The following SHQ1 variants were observed in gnomAD, a reference collection of about 807,000 sequenced individuals.
SHQ1 encodes the protein SHQ1, H/ACA ribonucleoprotein assembly factor, also known as protein SHQ1 homolog.
In SHQ1, 49 loss-of-function variants were observed where a neutral mutation model predicts 53.8. The observed-to-expected ratio is 0.91, with a 90% confidence interval of 0.72 to 1.16. SHQ1 has a LOEUF of 1.16. Ranked by LOEUF, SHQ1 falls within the 50% of genes most tolerant of loss-of-function variation. SHQ1 has a pLI of 0.00. For synonymous variants in SHQ1, 243 were observed against 251.0 expected, an observed-to-expected ratio of 0.97 and a Z score of 0.30; for missense variants, 738 against 683.1, an observed-to-expected ratio of 1.08 and a Z score of -0.90.
intron 10 of SHQ1, among the ~76,000 whole-genome samples, chr3:72,771,397 A>C (rs1316794345): frequency 2.6e-5 from 4 of 152,258 alleles, no homozygotes; most frequent in Admixed American, 6.5e-5. Flanking sequence ...GGTGAAACTA[A>C]ACAGGGACAA....
chr3:72,804,703 C>A (rs1003622885), intron 9 of SHQ1, among the ~76,000 whole-genome samples: 2 of 152,130 alleles, frequency 1.3e-5, no homozygotes, highest in African/African-American at 4.8e-5. Context: ...CTTAAAGAAA[C>A]TTTAAGTTGG....
chr3:72,829,288 C>T (rs1044181725), intron 5 of SHQ1, among the ~76,000 whole-genome samples: 3 of 152,148 alleles, frequency 2.0e-5, no homozygotes, highest in African/African-American at 7.2e-5. Context: ...CTTCAATATG[C>T]TTCTTCTTCA....
At position 72,826,509 on chromosome 3, in the gene SHQ1, C is replaced by T. The variant is rs528541558; in HGVS notation, c.600-1958G>A. 1.3e-3 allele frequency among the ~76,000 whole-genome samples: 204 copies of T among 152,356 alleles called. 1 individual carries two copies. Among genetic ancestry groups the T allele is most frequent in the Non-Finnish European group, 2.4e-3 (161 of 68,032 alleles). ...CATGTTCCATGATCCATGTTAGGCA[C>T]TGGAGTTCCATTCATGACAAGACAC... On this transcript the variant is annotated intron_variant, in intron 5 of 10. Coordinates refer to ENST00000325599, the MANE Select transcript of SHQ1 (RefSeq NM_018130.3).
At chr3:72,826,944 A>C (rs558600382) in intron 5 of SHQ1, among the ~76,000 whole-genome samples, 4 of 152,300 alleles carry the variant, frequency 2.6e-5, no homozygotes, top group Non-Finnish European at 4.4e-5. Flanking sequence ...TAGAAACATC[A>C]CTCTTATTGC....
At chr3:72,747,729 T>C (rs781056882), downstream of SHQ1, among the ~76,000 whole-genome samples, 4 of 152,188 alleles carry the variant, frequency 2.6e-5, no homozygotes, top group African/African-American at 4.8e-5. Flanking sequence ...GGCTCATGCC[T>C]GTAATCCCAG....
At chr3:72,763,510 T>C (rs1038180948) in intron 10 of SHQ1, among the ~76,000 whole-genome samples, 4 of 152,312 alleles carry the variant, frequency 2.6e-5, no homozygotes, top group East Asian at 3.9e-4. Flanking sequence ...CTGACAAAGA[T>C]GTGTTGATGT....
chr3:72,813,113 C>A (rs930985846), intron 8 of SHQ1, among the ~76,000 whole-genome samples: 1 of 152,138 alleles, frequency 6.6e-6, no homozygotes, highest in African/African-American at 2.4e-5. Flanking sequence ...ACATAAAGGA[C>A]ATTTTAATAT....
chr3:72,751,535 T>TATATATACAC (rs1444853961), intron 10 of SHQ1, among the ~76,000 whole-genome samples: 82 of 139,948 alleles, frequency 5.9e-4, no homozygotes, highest in Non-Finnish European at 8.4e-4. Context: ...TATATACATA[T>TATATATACAC]ACATACACTA....
At chr3:72,843,874 A>T (rs781002001) in intron 2 of SHQ1, among the ~76,000 whole-genome samples, 2 of 152,220 alleles carry the variant, frequency 1.3e-5, no homozygotes, top group African/African-American at 2.4e-5. Flanking sequence ...AGGAAAAATA[A>T]ATGGGTTCAT....
intron 6 of SHQ1, among the ~76,000 whole-genome samples, chr3:72,822,002 G>A (rs1707492731): frequency 6.6e-6 from 1 of 152,088 alleles, no homozygotes; most frequent in South Asian, 2.1e-4. Context: ...GCTCTCCTGT[G>A]ACTGATTTTA....
intron 4 of SHQ1, among the ~76,000 whole-genome samples, chr3:72,837,938 G>A (rs1265009776): frequency 6.7e-6 from 1 of 148,204 alleles, no homozygotes; most frequent in East Asian, 1.9e-4. Flanking sequence ...TCAATTTTTG[G>A]AATCTTGGGC....
intron 10 of SHQ1, among the ~76,000 whole-genome samples, chr3:72,762,584 C>T (rs1220847328): frequency 6.6e-6 from 1 of 152,216 alleles, no homozygotes; most frequent in Non-Finnish European, 1.5e-5. Flanking sequence ...AATTGTGTAC[C>T]TCGCAAGGTC....
In SHQ1 at chr3:72,844,396, T is replaced by G; in HGVS notation, c.171A>C (p.Glu57Asp). Residue 57 changes from glutamate to aspartate, a missense_variant, in exon 2 of 11, where the codon GAA becomes GAC. Physicochemically the swap from Glu to Asp is conservative, Grantham distance 45. Transcript: ENST00000325599. ...CATAGGACCCTTGCTCACTTCCATT[T>G]TCTACAATTCTTCCAGGAAGGGTTA... ...LRLTLPGRIV[E>D]NGSEQGSYDA... 6.2e-7 allele frequency: 1 copy of G among 1,613,882 alleles called. No homozygotes were observed. The highest frequency in any genetic ancestry group is 8.5e-7 in the Non-Finnish European group (1 of 1,179,854).
intron 9 of SHQ1, among the ~76,000 whole-genome samples, chr3:72,802,032 T>C (rs1466468549): frequency 6.6e-6 from 1 of 152,242 alleles, no homozygotes; most frequent in Non-Finnish European, 1.5e-5. Flanking sequence ...CGTTCGGTAC[T>C]TAATCTGAAT....
intron 9 of SHQ1, among the ~76,000 whole-genome samples, chr3:72,809,193 G>A (rs889316080): frequency 2.6e-5 from 4 of 152,118 alleles, no homozygotes; most frequent in African/African-American, 9.7e-5. Context: ...CTGCCAAAGT[G>A]AAAGGGGTCC....
chr3:72,808,738 G>A (rs1243614771), intron 9 of SHQ1, among the ~76,000 whole-genome samples: 1 of 152,004 alleles, frequency 6.6e-6, no homozygotes, highest in African/African-American at 2.4e-5. Flanking sequence ...TGGCATCCCT[G>A]TGCCATCCAC....
intron 6 of SHQ1, among the ~76,000 whole-genome samples, chr3:72,817,893 T>C (rs552272292): frequency 6.6e-6 from 1 of 152,274 alleles, no homozygotes; most frequent in Admixed American, 6.5e-5. Flanking sequence ...TTGTTTACCA[T>C]ATAAATCAAG....
intron 10 of SHQ1, among the ~76,000 whole-genome samples, chr3:72,781,296 T>C (rs893259601): frequency 2.0e-5 from 3 of 152,080 alleles, no homozygotes; most frequent in African/African-American, 7.2e-5. Flanking sequence ...CCCCAGGTGA[T>C]CCGCTCACCT....
intron 10 of SHQ1, among the ~76,000 whole-genome samples, chr3:72,769,664 C>A (rs933892648): frequency 6.6e-6 from 1 of 152,234 alleles, no homozygotes; most frequent in African/African-American, 2.4e-5. Flanking sequence ...TTCTTTGAAT[C>A]ACTATGTCTC....
Sources: gnomAD v4.1 joint callset for allele counts (sites outside exome capture counted in the v4.1 genomes callset) on GRCh38, gnomAD v4.1.1 for gene constraint, MANE v1.5 for transcripts, NCBI Gene and HGNC (gene_info 2026-07-23, HGNC 2026-07-21) for gene names.